The following OVGP1 variants were observed in gnomAD, a reference collection of about 807,000 sequenced individuals.
The protein encoded by OVGP1 is oviductal glycoprotein 1, also known as oviduct-specific glycoprotein.
A neutral mutation model predicts 48.2 loss-of-function variants in OVGP1; 26 were observed. That is an observed-to-expected ratio of 0.54 (90% CI 0.40 to 0.75). OVGP1 has a LOEUF of 0.75. OVGP1 is among the 30% of genes least tolerant of loss of function. The probability of loss-of-function intolerance (pLI) is 0.00; values close to 1 mark genes in which losing one functional copy is unlikely to be tolerated. For missense variants in OVGP1, 791 were observed against 820.6 expected, an observed-to-expected ratio of 0.96 and a Z score of 0.44; for synonymous variants, 294 against 305.7, an observed-to-expected ratio of 0.96 and a Z score of 0.40.
At chr1:111,420,491 T>A (rs1652240633) in intron 8 of OVGP1, among the ~76,000 whole-genome samples, 1 of 152,192 alleles carries the variant, frequency 6.6e-6, no homozygotes, top group Admixed American at 6.5e-5. Flanking sequence ...CACTACTGCC[T>A]AAAGTACTCA....
chr1:111,426,305 C>A (rs1652395962), intron 3 of OVGP1, 132 bp downstream of exon 3: 3 of 1,284,942 alleles, frequency 2.3e-6, no homozygotes, highest in Admixed American at 2.2e-5. Flanking sequence ...TGGGGGTGCT[C>A]TGGACCCCTA....
intron 7 of OVGP1, 24 bp from the exon 8 acceptor site, chr1:111,421,485 T>C: frequency 6.2e-7 from 1 of 1,608,626 alleles, no homozygotes. Flanking sequence ...GAATCCAGAC[T>C]CCTCCTTGTT....
chr1:111,422,567 T>C (rs1193457162), intron 6 of OVGP1, among the ~76,000 whole-genome samples: 3 of 152,224 alleles, frequency 2.0e-5, no homozygotes, highest in Non-Finnish European at 4.4e-5. Flanking sequence ...CTGTCTCTGA[T>C]GCCAGCATCC....
intron 4 of OVGP1, among the ~76,000 whole-genome samples, chr1:111,425,010 G>A (rs1459933563): frequency 6.6e-6 from 1 of 152,134 alleles, no homozygotes; most frequent in Non-Finnish European, 1.5e-5. Context: ...GATATCCCTG[G>A]ATCCACTAAT....
At chr1:111,416,695 T>G in intron 9 of OVGP1, 1 of 394,532 alleles carries the variant, frequency 2.5e-6, no homozygotes, top group Non-Finnish European at 4.5e-6. Context: ...TAATAACATG[T>G]CCAACATGTT....
At chr1:111,427,582 TA>T in intron 1 of OVGP1, 114 bp downstream of exon 1, 1 of 1,309,844 alleles carries the variant, frequency 7.6e-7, no homozygotes, top group Non-Finnish European at 1.1e-6. Flanking sequence ...CATCTCTACC[TA>T]ATCTAGGCTT....
In OVGP1 at chr1:111,415,222, C is replaced by T; in HGVS notation, c.1279G>A (p.Gly427Arg). The change falls in exon 11 of 11, where the codon GGA (glycine) becomes AGA (arginine). Residue 427 changes from glycine to arginine, a missense_variant. By Grantham distance (125) the Gly-to-Arg change is moderately radical. Coordinates refer to ENST00000369732, the MANE Select transcript of OVGP1 (RefSeq NM_002557.4). ...ATCTCAGTGACCCCAGCCTCTCCTCCTGGGGGCAAAATCTTACTATCAGTG... is the reference window on the plus strand; with the variant it reads ...ATCTCAGTGACCCCAGCCTCTCCTCTTGGGGGCAAAATCTTACTATCAGTG... ...WTTDSKILPP[G>R]GEAGVTEIHG... The T allele has an allele frequency of 6.2e-7, 1 of 1,614,220 alleles. No homozygotes were observed. Among genetic ancestry groups the T allele is most frequent in the South Asian group, 1.1e-5 (1 of 91,086 alleles).
At chr1:111,417,515 A>G (rs537289502) in intron 9 of OVGP1, among the ~76,000 whole-genome samples, 2 of 152,164 alleles carry the variant, frequency 1.3e-5, no homozygotes, top group Non-Finnish European at 2.9e-5. Flanking sequence ...CCCCAAATGT[A>G]AAATAAGAGG....
At position 111,414,338 on chromosome 1, in the gene OVGP1, T is replaced by C. The variant is rs1652064919; in HGVS notation, c.*126A>G. The C allele has an allele frequency of 1.2e-5, 9 of 775,484 alleles. No individual in the cohort carries two copies. Among genetic ancestry groups the C allele is most frequent in the Non-Finnish European group, 1.9e-5 (9 of 483,284 alleles). 48.0% of individuals were successfully genotyped at this position (775,484 alleles called of 1,614,324 possible). ...GGTGGGTTCTTGTGTTTACAGTTTA[T>C]TTAATGGAAAAGAGATTGGCCTATT... On this transcript the variant is annotated 3_prime_UTR_variant, in exon 11 of 11. Coordinates refer to ENST00000369732, the MANE Select transcript of OVGP1 (RefSeq NM_002557.4).
rs777341819 is a variant in OVGP1, at chr1:111,415,357, A to C, written c.1157-13T>G. On this transcript the variant is annotated splice_polypyrimidine_tract_variant and intron_variant, in intron 10 of 10. Coordinates refer to ENST00000369732, the MANE Select transcript of OVGP1 (RefSeq NM_002557.4). The stretch of plus-strand genomic sequence containing the variant: ...GTTGAACTGAACTCTAGAGAAAATC[A>C]ACAGAAAAGAATGAGATTCCTACCA... 6.3e-7 allele frequency: 1 copy of C among 1,594,188 alleles called. No homozygotes were observed. The highest frequency in any genetic ancestry group is 8.6e-7 in the Non-Finnish European group (1 of 1,168,114).
chr1:111,414,939 TC>T lies in OVGP1; in HGVS notation c.1561del (p.Glu521LysfsTer4), dbSNP rs1485338026. The T allele has an allele frequency of 3.7e-6, 3 of 803,110 alleles. No individual in the cohort carries two copies. Among genetic ancestry groups the T allele is most frequent in the African/African-American group, 4.1e-5 (2 of 49,142 alleles). The allele number at this position is 803,110 out of a possible 1,614,324, so 49.7% of individuals were successfully genotyped here. ...SVGYQSVTPG[E>X]KTLTPVGHQS... ...ATGACCCACAGGGGTCAGGGTCTTT[TC>T]CCCAGGGGTCACAGACTGATAACCC... is the stretch of plus-strand genomic sequence containing the variant. On this transcript the variant is annotated frameshift_variant, in exon 11 of 11. Transcript: ENST00000369732. LOFTEE classifies it low-confidence loss of function (END_TRUNC).
At chr1:111,418,189 C>T (rs1241233148) in intron 9 of OVGP1, among the ~76,000 whole-genome samples, 1 of 152,184 alleles carries the variant, frequency 6.6e-6, no homozygotes, top group Non-Finnish European at 1.5e-5. Context: ...CATGTCTCCT[C>T]ACCTAGTTCT....
intron 9 of OVGP1, chr1:111,416,667 G>GA (rs34687982): frequency 0.098 from 30,766 of 313,784 alleles, 404 homozygotes; most frequent in African/African-American, 0.15. Context: ...CCTCATTTGT[G>GA]AAAAAAAAAA....
In OVGP1 at chr1:111,421,226, T is replaced by G. The variant is rs776408868; in HGVS notation, c.903+50A>C. 3 of 1,522,578 alleles carry G rather than the reference T, an allele frequency of 2.0e-6. No individual in the cohort carries two copies. The South Asian group carries it at 3.9e-5, about 20-fold the overall frequency. The allele number at this position is 1,522,578 out of a possible 1,614,324, so 94.3% of individuals were successfully genotyped here. A position where few individuals can be genotyped will look rare whatever the true frequency, so the allele number is the denominator to read the frequency against. On this transcript the variant is annotated intron_variant, in intron 8 of 10. Transcript: ENST00000369732. ...CCCTTGTCCTGGCCTTTGCTCCAGCTGGGGGTGGGAGAGTCCTAACTGCTA... is the reference window on the plus strand; with the variant it reads ...CCCTTGTCCTGGCCTTTGCTCCAGCGGGGGGTGGGAGAGTCCTAACTGCTA...
chr1:111,424,763 C>T (rs181849696), intron 4 of OVGP1, among the ~76,000 whole-genome samples: 7 of 152,308 alleles, frequency 4.6e-5, no homozygotes, highest in African/African-American at 1.4e-4. Flanking sequence ...GCCTCCCTCT[C>T]GTGTATCTCA....
chr1:111,421,288 C>G lies in OVGP1; in HGVS notation c.891G>C (p.Leu297Phe), dbSNP rs750502565. Residue 297 changes from leucine (L) to phenylalanine (F), a missense_variant, in exon 8 of 11, where the codon TTG becomes TTC. Coordinates refer to ENST00000369732, the MANE Select transcript of OVGP1 (RefSeq NM_002557.4). ...PGKYTKQEGF[L>F]AYFEICSFVW... The stretch of plus-strand genomic sequence containing the variant: ...ATATTCCCATCACCTCAAAATAAGC[C>G]AAGAAGCCTTCTTGCTTGGTGTACT... 6 of 1,605,380 alleles carry G rather than the reference C, an allele frequency of 3.7e-6. No individual in the cohort carries two copies. Among genetic ancestry groups the G allele is most frequent in the South Asian group, 2.2e-5 (2 of 89,368 alleles).
At chr1:111,427,448 G>C (rs1156701743) in intron 1 of OVGP1, 2 of 855,916 alleles carry the variant, frequency 2.3e-6, no homozygotes, top group African/African-American at 3.7e-5. Context: ...GATTCTAACA[G>C]AACTGGTCCA....
intron 7 of OVGP1, 38 bp downstream of exon 7, chr1:111,421,527 C>T (rs771432913): frequency 6.2e-7 from 1 of 1,607,778 alleles, no homozygotes; most frequent in African/African-American, 1.3e-5. Flanking sequence ...CTCAGGGGGG[C>T]AGATGTCTGG....
chr1:111,421,451 A>G lies in OVGP1; in HGVS notation c.728T>C (p.Met243Thr). The change falls in exon 8 of 11, where the codon ATG (methionine) becomes ACG (threonine). Residue 243 changes from methionine to threonine, a missense_variant. Coordinates refer to ENST00000369732, the MANE Select transcript of OVGP1 (RefSeq NM_002557.4). ...TGCCCCAAGCTTTCTCCAATAATTCATAGCATATGCCTGCAGGTAAGAAGA... is the reference window on the plus strand; with the variant it reads ...TGCCCCAAGCTTTCTCCAATAATTCGTAGCATATGCCTGCAGGTAAGAAGA... ...PEDPKSSAYA[M>T]NYWRKLGAPS... is the part of the protein sequence containing the mutation. 1.2e-6 allele frequency: 2 copies of G among 1,611,202 alleles called. No individual in the cohort carries two copies. The highest frequency in any genetic ancestry group is 1.7e-6 in the Non-Finnish European group (2 of 1,178,726).
Sources: gnomAD v4.1 joint callset for allele counts (sites outside exome capture counted in the v4.1 genomes callset) on GRCh38, gnomAD v4.1.1 for gene constraint, MANE v1.5 for transcripts, NCBI Gene and HGNC (gene_info 2026-07-23, HGNC 2026-07-21) for gene names.